The following NR5A2 variants were observed in gnomAD, a reference collection of about 807,000 sequenced individuals.
NR5A2 encodes nuclear receptor subfamily 5 group A member 2, also known as CYP7A promoter-binding factor.
In NR5A2, 26 loss-of-function variants were observed where a neutral mutation model predicts 62.7. That is an observed-to-expected ratio of 0.41 (90% CI 0.30 to 0.58). The LOEUF (loss-of-function observed/expected upper bound fraction) is 0.58. Among genes scored for constraint, NR5A2 ranks in the 20% least tolerant of loss-of-function variants. NR5A2 has a pLI of 0.22. For synonymous variants in NR5A2, 246 were observed against 241.7 expected (o/e 1.02, Z -0.16); for missense variants, 541 against 669.1 (o/e 0.81, Z 2.11).
intron 6 of NR5A2, among the ~76,000 whole-genome samples, chr1:200,112,682 G>A (rs1008388273): frequency 3.9e-5 from 6 of 152,206 alleles, no homozygotes; most frequent in Admixed American, 6.5e-5. Flanking sequence ...GGAGAAAAGC[G>A]TTGCAGAGGA....
chr1:200,132,240 C>G (rs888751737), intron 7 of NR5A2, among the ~76,000 whole-genome samples: 1 of 152,142 alleles, frequency 6.6e-6, no homozygotes, highest in Non-Finnish European at 1.5e-5. Flanking sequence ...AAACTCCTGA[C>G]CTCAAGTGAT....
At chr1:200,093,556 A>G (rs1571461155) in intron 5 of NR5A2, among the ~76,000 whole-genome samples, 8 of 152,300 alleles carry the variant, frequency 5.3e-5, no homozygotes, top group Admixed American at 2.6e-4. Flanking sequence ...CAGAGAAACT[A>G]TGAATATTGA....
intron 7 of NR5A2, among the ~76,000 whole-genome samples, chr1:200,164,803 C>T (rs1190422655): frequency 6.6e-6 from 1 of 151,126 alleles, no homozygotes; most frequent in Non-Finnish European, 1.5e-5. Flanking sequence ...CCGCCTTGGC[C>T]TCTCAAAGTG....
intron 7 of NR5A2, among the ~76,000 whole-genome samples, chr1:200,150,070 T>A (rs3828108): frequency 6.7e-6 from 1 of 148,484 alleles, no homozygotes; most frequent in South Asian, 2.1e-4. Flanking sequence ...GGATGGATGG[T>A]TGGTTGGATG....
Position 200,175,527 on chromosome 1 carries a change from G to T in NR5A2, c.*1317G>T, listed in dbSNP as rs781064293. 2 of 152,654 alleles carry T rather than the reference G, an allele frequency of 1.3e-5. No individual in the cohort carries two copies. The highest frequency in any genetic ancestry group is 2.4e-5 in the African/African-American group (1 of 41,470). 9.5% of individuals were successfully genotyped at this position (152,654 alleles called of 1,614,324 possible). On this transcript the variant is annotated 3_prime_UTR_variant, in exon 8 of 8. Coordinates refer to ENST00000367362, the MANE Select transcript of NR5A2 (RefSeq NM_205860.3). ...AACATGCGATGCCACAGGTATGAAA[G>T]TCTTGCCTTATTTCACAATTTTAAA...
At chr1:200,161,197 T>A (rs1216998291) in intron 7 of NR5A2, among the ~76,000 whole-genome samples, 1 of 152,186 alleles carries the variant, frequency 6.6e-6, no homozygotes, top group Non-Finnish European at 1.5e-5. Flanking sequence ...TATTGTTAAA[T>A]CTATTTTAAA....
chr1:200,076,291 CAACT>C (rs1357619153), intron 5 of NR5A2, among the ~76,000 whole-genome samples: 2 of 152,096 alleles, frequency 1.3e-5, no homozygotes, highest in African/African-American at 4.8e-5. Flanking sequence ...TTGTGAAGAC[CAACT>C]AAGTCCTAAG....
intron 5 of NR5A2, among the ~76,000 whole-genome samples, chr1:200,052,219 G>A (rs1318072810): frequency 6.6e-6 from 1 of 152,154 alleles, no homozygotes; most frequent in Non-Finnish European, 1.5e-5. Flanking sequence ...CCGGAAAAAG[G>A]TCTCTTCCTC....
chr1:200,148,025 G>C, intron 7 of NR5A2: 1 of 305,042 alleles, frequency 3.3e-6, no homozygotes, highest in South Asian at 5.2e-5. Context: ...CGAAGGCCAC[G>C]TTGGGCAGGT....
intron 1 of NR5A2, among the ~76,000 whole-genome samples, chr1:200,037,358 G>A (rs1661828400): frequency 1.3e-5 from 2 of 152,176 alleles, no homozygotes; most frequent in African/African-American, 2.4e-5. Context: ...ACTAGGGGTT[G>A]GAGGTTTCCT....
intron 5 of NR5A2, among the ~76,000 whole-genome samples, chr1:200,053,591 A>G (rs1662767455): frequency 6.6e-6 from 1 of 151,676 alleles, no homozygotes; most frequent in African/African-American, 2.4e-5. Context: ...ACACACACAC[A>G]CACACACACA....
chr1:200,096,914 T>C (rs950651162), intron 5 of NR5A2, among the ~76,000 whole-genome samples: 19 of 152,194 alleles, frequency 1.2e-4, no homozygotes, highest in Admixed American at 1.1e-3. Flanking sequence ...TCTAGGTTTG[T>C]GTAGGTTCAC....
chr1:200,107,862 C>T (rs1264369133), intron 5 of NR5A2, among the ~76,000 whole-genome samples: 2 of 151,696 alleles, frequency 1.3e-5, no homozygotes, highest in East Asian at 3.9e-4. Context: ...AATTCCTGGC[C>T]TCAAGGGATC....
intron 7 of NR5A2, among the ~76,000 whole-genome samples, chr1:200,163,945 G>T (rs1386848947): frequency 6.6e-6 from 1 of 152,060 alleles, no homozygotes; most frequent in Non-Finnish European, 1.5e-5. Context: ...TGCTGGAGGT[G>T]GGGCCTGGTA....
At chr1:200,160,329 T>C (rs1186171359) in intron 7 of NR5A2, among the ~76,000 whole-genome samples, 4 of 152,242 alleles carry the variant, frequency 2.6e-5, no homozygotes, top group Admixed American at 2.6e-4. Flanking sequence ...GTGTTTCCAG[T>C]CAACGGTTTA....
At chr1:200,105,676 G>T (rs1237156736) in intron 5 of NR5A2, among the ~76,000 whole-genome samples, 1 of 152,108 alleles carries the variant, frequency 6.6e-6, no homozygotes, top group Non-Finnish European at 1.5e-5. Context: ...CACTGGCCAG[G>T]CTCCGGGGGT....
chr1:200,174,027 G>T lies in NR5A2; in HGVS notation c.1443G>T (p.Leu481=), dbSNP rs1654307146. 15 of 1,609,216 alleles carry T rather than the reference G, an allele frequency of 9.3e-6. No individual in the cohort carries two copies. The highest frequency in any genetic ancestry group is 1.3e-5 in the Non-Finnish European group (15 of 1,178,352). The change falls in exon 8 of 8, where the codon CTG becomes CTT. Residue 481 remains leucine, a synonymous_variant. Coordinates refer to ENST00000367362, the MANE Select transcript of NR5A2 (RefSeq NM_205860.3). ...TCCAGGAACAAGTCAATGCCGCCCTGCTGGACTACACAATGTGTAACTACC... is the reference window on the plus strand; with the variant it reads ...TCCAGGAACAAGTCAATGCCGCCCTTCTGGACTACACAATGTGTAACTACC... ...EGVQEQVNAA[L]LDYTMCNYPQ...
At chr1:200,035,308 G>C (rs1661727776) in intron 1 of NR5A2, among the ~76,000 whole-genome samples, 1 of 152,200 alleles carries the variant, frequency 6.6e-6, no homozygotes, top group African/African-American at 2.4e-5. Context: ...GGAAGGTATT[G>C]CAAGTTTTGT....
At chr1:200,053,135 G>T (rs1383773895) in intron 5 of NR5A2, among the ~76,000 whole-genome samples, 2 of 151,462 alleles carry the variant, frequency 1.3e-5, no homozygotes, top group African/African-American at 4.9e-5. Flanking sequence ...AAAAGAAGAA[G>T]TTACAACTCC....
Sources: gnomAD v4.1 joint callset for allele counts (sites outside exome capture counted in the v4.1 genomes callset) on GRCh38, gnomAD v4.1.1 for gene constraint, MANE v1.5 for transcripts, NCBI Gene and HGNC (gene_info 2026-07-23, HGNC 2026-07-21) for gene names.